Variants in ZNF169 observed in about 807,000 individuals in gnomAD.
ZNF169 encodes zinc finger protein 169.
Under a neutral mutation model 12.0 loss-of-function variants are expected in ZNF169, and 11 were observed. The ratio of observed to expected loss-of-function variants is 0.92; its 90% CI spans 0.58 to 1.52. The LOEUF is 1.52. Ranked by LOEUF, ZNF169 falls within the 40% of genes most tolerant of loss-of-function variation. ZNF169 has a pLI of 0.00. For synonymous variants in ZNF169, 302 were observed against 286.5 expected (o/e 1.05, Z -0.55); for missense variants, 722 against 744.0 (o/e 0.97, Z 0.34).
intron 2 of ZNF169, among the ~76,000 whole-genome samples, chr9:94,283,501 T>G (rs1449343052): frequency 6.6e-6 from 1 of 152,104 alleles, no homozygotes; most frequent in Admixed American, 6.6e-5. Context: ...AGAATCAACT[T>G]TCGTAAAATT....
chr9:94,263,117 C>T (rs62578816), intron 1 of ZNF169, among the ~76,000 whole-genome samples: 34,399 of 151,494 alleles, frequency 0.23, 4,172 homozygotes, highest in Non-Finnish European at 0.26. Flanking sequence ...TTATTATGTT[C>T]AAATCTTGTA....
Position 94,284,696 on chromosome 9 carries a change from A to AG in ZNF169, c.33+5852dup, listed in dbSNP as rs1170306411. ...TGATAAATTTAACCGAGGATGTAAA[A>AG]GATAAAGAAAACTGCAAAATATTGC... On this transcript the variant is annotated intron_variant, in intron 2 of 4. Coordinates refer to ENST00000395395, the MANE Select transcript of ZNF169 (RefSeq NM_194320.4). Among the ~76,000 whole-genome samples the AG allele has an allele frequency of 6.6e-5, 10 of 152,340 alleles. No individual in the cohort carries two copies. The East Asian group carries it at 1.9e-3, about 29-fold the overall frequency.
chr9:94,289,430 C>A (rs78601168), intron 2 of ZNF169, among the ~76,000 whole-genome samples: 1 of 151,862 alleles, frequency 6.6e-6, no homozygotes, highest in Non-Finnish European at 1.5e-5. Flanking sequence ...GCTGGTAAAA[C>A]GATGACACCA....
At chr9:94,288,702 TC>T (rs1328159189) in intron 2 of ZNF169, among the ~76,000 whole-genome samples, 2 of 152,182 alleles carry the variant, frequency 1.3e-5, no homozygotes, top group Non-Finnish European at 2.9e-5. Context: ...GCTCACTTTT[TC>T]TCCTGCCACA....
At chr9:94,280,968 C>T (rs1830620295) in intron 2 of ZNF169, among the ~76,000 whole-genome samples, 1 of 152,002 alleles carries the variant, frequency 6.6e-6, no homozygotes, top group Admixed American at 6.6e-5. Context: ...GCGAAGAGAA[C>T]CAGGAAGTTA....
At chr9:94,292,581 G>A in intron 3 of ZNF169, 114 bp downstream of exon 3, 1 of 1,375,736 alleles carries the variant, frequency 7.3e-7, no homozygotes, top group Non-Finnish European at 9.8e-7. Flanking sequence ...TATTCCCCCA[G>A]AGAATGCCTG....
At chr9:94,294,486 A>G (rs1304277657) in intron 4 of ZNF169, 1 of 152,150 alleles carries the variant, frequency 6.6e-6, no homozygotes, top group African/African-American at 2.4e-5. Context: ...TAGCTGGTTC[A>G]CAGGCATGCA....
intron 2 of ZNF169, among the ~76,000 whole-genome samples, chr9:94,281,001 G>A (rs3131904): frequency 0.29 from 44,235 of 152,072 alleles, 7,967 homozygotes; most frequent in East Asian, 0.53. Flanking sequence ...GAGAATCAAA[G>A]AATAAGAGAG....
chr9:94,267,541 A>T (rs1830315296), intron 1 of ZNF169, among the ~76,000 whole-genome samples: 1 of 152,268 alleles, frequency 6.6e-6, no homozygotes, highest in Admixed American at 6.5e-5. Flanking sequence ...AGAGAGGAAC[A>T]AATATGCTCC....
In ZNF169 at chr9:94,300,674, G is replaced by A. The variant is rs1370207412; in HGVS notation, c.1116G>A (p.Arg372=). The A allele has an allele frequency of 6.2e-7, 1 of 1,614,000 alleles. No individual in the cohort carries two copies. Among genetic ancestry groups the A allele is most frequent in the East Asian group, 2.2e-5 (1 of 44,864 alleles). The change falls in exon 5 of 5, where the codon AGG becomes AGA. Residue 372 remains arginine, a synonymous_variant. Coordinates refer to ENST00000395395, the MANE Select transcript of ZNF169 (RefSeq NM_194320.4). Reference sequence around the variant, plus strand: ...ACCAGAGCTCACACACAGGGGAGAGGCCCTTCCTGTGCCTTGAGTGTGGGC... The same window carrying A: ...ACCAGAGCTCACACACAGGGGAGAGACCCTTCCTGTGCCTTGAGTGTGGGC... ...LQHQSSHTGE[R]PFLCLECGRS...
intron 1 of ZNF169, among the ~76,000 whole-genome samples, chr9:94,270,151 T>G (rs543050918): frequency 1.0e-3 from 159 of 152,344 alleles, no homozygotes; most frequent in African/African-American, 3.6e-3. Context: ...ATAAGGGCAC[T>G]GGCTTTTAAT....
intron 1 of ZNF169, among the ~76,000 whole-genome samples, chr9:94,263,338 C>T (rs1830237847): frequency 6.6e-6 from 1 of 151,808 alleles, no homozygotes. Flanking sequence ...ATGAAACATC[C>T]CTTTGTATCT....
chr9:94,292,640 T>TGCGC (rs371262494), intron 3 of ZNF169, 173 bp downstream of exon 3: 393 of 741,282 alleles, frequency 5.3e-4, no homozygotes, highest in African/African-American at 3.7e-3. Flanking sequence ...TGTGTGTGTG[T>TGCGC]GCGCGTGCAC....
chr9:94,295,608 T>C (rs964857004), intron 4 of ZNF169: 1 of 152,212 alleles, frequency 6.6e-6, no homozygotes, highest in Non-Finnish European at 1.5e-5. Context: ...CTTTCTATAA[T>C]TATAGATTTG....
At chr9:94,297,882 A>G (rs1830982827) in intron 4 of ZNF169, among the ~76,000 whole-genome samples, 1 of 152,150 alleles carries the variant, frequency 6.6e-6, no homozygotes, top group African/African-American at 2.4e-5. Context: ...AATTTGTTCC[A>G]GGGGCTGGGC....
At chr9:94,270,832 T>TA (rs1564083515) in intron 1 of ZNF169, among the ~76,000 whole-genome samples, 1 of 8,978 alleles carries the variant, frequency 1.1e-4, no homozygotes, top group African/African-American at 1.9e-4. Flanking sequence ...ATATATAAAA[T>TA]ATATATATTA....
In ZNF169 at chr9:94,286,423, C is replaced by T. The variant is rs116647226; in HGVS notation, c.34-5918C>T. 6.2e-3 allele frequency among the ~76,000 whole-genome samples: 949 copies of T among 152,164 alleles called. 12 individuals are homozygous for T. The highest frequency in any genetic ancestry group is 0.022 in the African/African-American group (902 of 41,502). ...TCATACTTGGGAGTGGTACTGGAGTCTGATGCAGTTTGGCTCTGTGTCCTC... is the reference window on the plus strand; with the variant it reads ...TCATACTTGGGAGTGGTACTGGAGTTTGATGCAGTTTGGCTCTGTGTCCTC... On this transcript the variant is annotated intron_variant, in intron 2 of 4. Coordinates refer to ENST00000395395, the MANE Select transcript of ZNF169 (RefSeq NM_194320.4).
chr9:94,292,159 T>C (rs963849371), intron 2 of ZNF169, among the ~76,000 whole-genome samples, 182 bp from the exon 3 acceptor site: 13 of 152,154 alleles, frequency 8.5e-5, no homozygotes, highest in African/African-American at 1.7e-4. Flanking sequence ...CCAGCATCAG[T>C]GTATGGAGGG....
At chr9:94,274,349 A>T (rs1316825764) in intron 1 of ZNF169, among the ~76,000 whole-genome samples, 1 of 152,218 alleles carries the variant, frequency 6.6e-6, no homozygotes, top group Non-Finnish European at 1.5e-5. Context: ...TGTAATATGT[A>T]TTAATAAGTT....
Sources: gnomAD v4.1 joint callset for allele counts (sites outside exome capture counted in the v4.1 genomes callset) on GRCh38, gnomAD v4.1.1 for gene constraint, MANE v1.5 for transcripts, NCBI Gene and HGNC (gene_info 2026-07-23, HGNC 2026-07-21) for gene names.